Variants in LOC400499 observed in about 807,000 individuals in gnomAD.
chr16:11,460,387 T>C, the LOC400499 span: 3 of 1,371,784 alleles, frequency 2.2e-6, no homozygotes, highest in East Asian at 5.2e-5. Flanking sequence ...AGCAAGTCCA[T>C]CTCTTTGGGG....
At chr16:11,419,196 A>AC in the LOC400499 span, among the ~76,000 whole-genome samples, 2,512 of 141,512 alleles carry the variant, frequency 0.018, 74 homozygotes, top group African/African-American at 0.059. Flanking sequence ...CAACAAAAAA[A>AC]ATATACTACA....
chr16:11,402,432 C>A, the LOC400499 span, among the ~76,000 whole-genome samples: 2 of 152,210 alleles, frequency 1.3e-5, no homozygotes, highest in South Asian at 4.1e-4. Flanking sequence ...CCTCCCCAGC[C>A]CTTGAAGCTG....
the LOC400499 span, among the ~76,000 whole-genome samples, chr16:11,383,438 G>T: frequency 2.2e-4 from 34 of 152,282 alleles, no homozygotes; most frequent in East Asian, 6.4e-3. Context: ...TCACCAAACG[G>T]AGGGCACTAG....
chr16:11,520,485 C>T, the LOC400499 span, among the ~76,000 whole-genome samples: 1 of 152,114 alleles, frequency 6.6e-6, no homozygotes, highest in African/African-American at 2.4e-5. Context: ...GGTAAAATCT[C>T]ATCTCTACTA....
chr16:11,383,627 G>C, the LOC400499 span: 1 of 1,232,284 alleles, frequency 8.1e-7, no homozygotes, highest in Non-Finnish European at 1.0e-6. Flanking sequence ...GTGCTAGATG[G>C]CTGGGGCAGC....
the LOC400499 span, among the ~76,000 whole-genome samples, chr16:11,444,621 T>C: frequency 6.6e-6 from 1 of 152,214 alleles, no homozygotes; most frequent in Non-Finnish European, 1.5e-5. Context: ...CAGAAAAGTT[T>C]GTTGACCTCT....
chr16:11,518,988 G>A, the LOC400499 span: 5 of 398,828 alleles, frequency 1.3e-5, no homozygotes, highest in Admixed American at 4.4e-5. Context: ...ACAAAGCACC[G>A]TGAGTTGGTG....
the LOC400499 span, among the ~76,000 whole-genome samples, chr16:11,454,246 G>A: frequency 6.6e-6 from 1 of 152,262 alleles, no homozygotes; most frequent in Non-Finnish European, 1.5e-5. Context: ...TGTCCCAGTA[G>A]AATGAAGACA....
the LOC400499 span, among the ~76,000 whole-genome samples, chr16:11,440,382 A>C: frequency 6.6e-6 from 1 of 152,338 alleles, no homozygotes; most frequent in African/African-American, 2.4e-5. Context: ...GGTCTGGCAC[A>C]TAAAAGCCTC....
chr16:11,515,058 C>G, the LOC400499 span, among the ~76,000 whole-genome samples: 1 of 152,130 alleles, frequency 6.6e-6, no homozygotes, highest in African/African-American at 2.4e-5. Flanking sequence ...GTAGTTCCAG[C>G]ACTTGGGGAA....
chr16:11,392,755 C>A, the LOC400499 span: 1 of 983,500 alleles, frequency 1.0e-6, no homozygotes, highest in Non-Finnish European at 1.2e-6. Flanking sequence ...TTTTTTGAGA[C>A]ACCAAGGCAG....
chr16:11,508,142 G>A, the LOC400499 span, among the ~76,000 whole-genome samples: 9,608 of 152,218 alleles, frequency 0.063, 785 homozygotes, highest in African/African-American at 0.19. Flanking sequence ...ACTGTGCCAT[G>A]CTAAACCATC....
the LOC400499 span, among the ~76,000 whole-genome samples, chr16:11,468,749 T>C: frequency 6.6e-6 from 1 of 152,134 alleles, no homozygotes; most frequent in Non-Finnish European, 1.5e-5. Flanking sequence ...TGCCTCAGTC[T>C]CCCAGGTAGC....
the LOC400499 span, among the ~76,000 whole-genome samples, chr16:11,419,921 A>G: frequency 8.6e-5 from 13 of 150,974 alleles, no homozygotes; most frequent in African/African-American, 4.9e-5. Flanking sequence ...TTAGAATGGC[A>G]ATCATTAAAA....
the LOC400499 span, chr16:11,501,966 G>A: frequency 7.6e-6 from 3 of 395,740 alleles, no homozygotes; most frequent in East Asian, 7.2e-5. Context: ...ACGGGATGAC[G>A]CATCAGCATC....
At chr16:11,474,867 A>G in the LOC400499 span, among the ~76,000 whole-genome samples, 1 of 152,186 alleles carries the variant, frequency 6.6e-6, no homozygotes, top group African/African-American at 2.4e-5. Context: ...CCCTGTCTCA[A>G]TAATAATAAA....
chr16:11,434,500 G>C, the LOC400499 span, among the ~76,000 whole-genome samples: 2 of 152,166 alleles, frequency 1.3e-5, no homozygotes, highest in African/African-American at 2.4e-5. Flanking sequence ...CAGGTATATA[G>C]AGTCAGAACC....
At chr16:11,452,911 G>C in the LOC400499 span, among the ~76,000 whole-genome samples, 16 of 152,234 alleles carry the variant, frequency 1.1e-4, no homozygotes, top group African/African-American at 3.6e-4. Flanking sequence ...CTCCAAAGGT[G>C]AATTAACTGG....
chr16:11,418,253 C>T, the LOC400499 span, among the ~76,000 whole-genome samples: 4,182 of 152,226 alleles, frequency 0.027, 180 homozygotes, highest in African/African-American at 0.092. Context: ...AGAGCAACTC[C>T]ATCTTGAATA....
Sources: gnomAD v4.1 joint callset for allele counts (sites outside exome capture counted in the v4.1 genomes callset) on GRCh38, gnomAD v4.1.1 for gene constraint, MANE v1.5 for transcripts.